DIAPH3: variants seen among roughly 807,000 people sequenced by gnomAD.
DIAPH3 encodes diaphanous related formin 3, also known as protein diaphanous homolog 3.
Under a neutral mutation model 144.3 loss-of-function variants are expected in DIAPH3, and 117 were observed. The observed-to-expected ratio is 0.81, with a 90% CI of 0.70 to 0.95. The LOEUF (loss-of-function observed/expected upper bound fraction) is 0.95. Ranked by LOEUF, DIAPH3 falls within the 40% of genes least tolerant of loss-of-function variation. The pLI is 0.00. For synonymous variants in DIAPH3, 519 were observed against 488.9 expected (o/e 1.06, Z -0.81); for missense variants, 1,421 against 1,412.7 (o/e 1.01, Z -0.09).
At chr13:59,779,785 T>TA (rs1414021148) in intron 25 of DIAPH3, among the ~76,000 whole-genome samples, 1 of 152,170 alleles carries the variant, frequency 6.6e-6, no homozygotes, top group East Asian at 1.9e-4. Context: ...GTGCTGGGAT[T>TA]ACAGGCATGA....
chr13:59,877,374 C>T (rs1333886575), intron 21 of DIAPH3, among the ~76,000 whole-genome samples: 1 of 152,048 alleles, frequency 6.6e-6, no homozygotes, highest in Non-Finnish European at 1.5e-5. Flanking sequence ...AGGTCTCACA[C>T]TACATGTCAA....
intron 4 of DIAPH3, among the ~76,000 whole-genome samples, chr13:60,066,777 AAAAC>A (rs2056984260): frequency 6.6e-6 from 1 of 152,150 alleles, no homozygotes; most frequent in African/African-American, 2.4e-5. Context: ...TTAAAAATCT[AAAAC>A]AGATATTTAT....
intron 25 of DIAPH3, among the ~76,000 whole-genome samples, chr13:59,794,503 ATCT>A (rs996745331): frequency 4.0e-5 from 6 of 151,600 alleles, no homozygotes; most frequent in Admixed American, 3.3e-4. Context: ...GCAATTTCAA[ATCT>A]TCTTTAGTGA....
At position 60,163,899 on chromosome 13, in the gene DIAPH3, G is replaced by GA; in HGVS notation, c.-134_-133insT. 8.5e-7 allele frequency: 1 copy of GA among 1,180,270 alleles called. No individual in the cohort carries two copies. The highest frequency in any genetic ancestry group is 1.2e-6 in the Non-Finnish European group (1 of 863,096). 73.1% of individuals were successfully genotyped at this position (1,180,270 alleles called of 1,614,324 possible). On this transcript the variant is annotated 5_prime_UTR_variant, in exon 1 of 28. The change abolishes the stop of an existing upstream ORF in the 5' untranslated region. Transcript: ENST00000400324. ...ACAGTCAGCACAGCCTAGCCCAACC[G>GA]CTGAAGTCGGGGCCGCAGCCAACAC...
intron 24 of DIAPH3, among the ~76,000 whole-genome samples, chr13:59,811,729 T>C: frequency 8.0e-6 from 1 of 125,744 alleles, no homozygotes; most frequent in South Asian, 2.7e-4. Context: ...AGAGCAAGAC[T>C]CTGTCTCAAA....
At chr13:59,719,377 A>G (rs1419022533) in intron 27 of DIAPH3, among the ~76,000 whole-genome samples, 3 of 152,192 alleles carry the variant, frequency 2.0e-5, no homozygotes, top group Non-Finnish European at 4.4e-5. Flanking sequence ...TAGTTAACAA[A>G]TAAAACACTG....
chr13:60,057,631 T>C (rs371340614), intron 4 of DIAPH3, among the ~76,000 whole-genome samples: 1 of 151,814 alleles, frequency 6.6e-6, no homozygotes, highest in East Asian at 1.9e-4. Context: ...CATCACGTTA[T>C]CTGACTTCCA....
At chr13:60,088,958 G>A (rs923293726) in intron 4 of DIAPH3, among the ~76,000 whole-genome samples, 4 of 152,086 alleles carry the variant, frequency 2.6e-5, no homozygotes, top group Non-Finnish European at 5.9e-5. Context: ...GTAATTGATA[G>A]AGAAAAAATA....
chr13:59,917,803 T>C (rs557387086), intron 18 of DIAPH3, among the ~76,000 whole-genome samples: 2 of 146,876 alleles, frequency 1.4e-5, no homozygotes, highest in East Asian at 4.0e-4. Context: ...AGCAGAAGTA[T>C]TGCTTGAAAC....
At chr13:59,987,332 G>T (rs1442854942) in intron 12 of DIAPH3, among the ~76,000 whole-genome samples, 2 of 151,592 alleles carry the variant, frequency 1.3e-5, no homozygotes, top group Non-Finnish European at 2.9e-5. Context: ...TGGTGGGGTG[G>T]GGGGAGTGGG....
At chr13:59,747,786 C>A (rs747746595) in intron 27 of DIAPH3, among the ~76,000 whole-genome samples, 43 of 152,322 alleles carry the variant, frequency 2.8e-4, no homozygotes, top group Middle Eastern at 6.8e-3. Context: ...GACTGTCCTG[C>A]TGTCCACACA....
chr13:60,155,272 A>G (rs1951970237), intron 1 of DIAPH3, among the ~76,000 whole-genome samples: 1 of 152,190 alleles, frequency 6.6e-6, no homozygotes, highest in African/African-American at 2.4e-5. Context: ...GAAAAAAGCA[A>G]TTAAGCCCTG....
intron 4 of DIAPH3, 91 bp from the exon 5 acceptor site, chr13:60,042,911 T>C (rs1180651759): frequency 9.9e-6 from 14 of 1,420,408 alleles, no homozygotes; most frequent in Non-Finnish European, 1.4e-5. Flanking sequence ...CAGCAGCACA[T>C]AACTACTATA....
chr13:59,774,040 C>A, intron 27 of DIAPH3, 149 bp downstream of exon 27: 1 of 750,324 alleles, frequency 1.3e-6, no homozygotes, highest in South Asian at 1.9e-5. Context: ...TACGAGTACG[C>A]AATCTCATAG....
At position 60,044,430 on chromosome 13, in the gene DIAPH3, G is replaced by A. The variant is rs115756819; in HGVS notation, c.496-1610C>T. Reference sequence around the variant, plus strand: ...AGAAGAATTCAATGGTACAATCTCCGAAAATAAAAGGGGAAATGGTGAAAG... The same window carrying A: ...AGAAGAATTCAATGGTACAATCTCCAAAAATAAAAGGGGAAATGGTGAAAG... On this transcript the variant is annotated intron_variant, in intron 4 of 27. Coordinates refer to ENST00000400324, the MANE Select transcript of DIAPH3 (RefSeq NM_001042517.2). 425 of 152,174 alleles carry A rather than the reference G, an allele frequency of 2.8e-3. 3 individuals are homozygous for A. The highest frequency in any genetic ancestry group is 9.3e-3 in the African/African-American group (387 of 41,520). 9.4% of individuals were successfully genotyped at this position (152,174 alleles called of 1,614,324 possible).
intron 17 of DIAPH3, among the ~76,000 whole-genome samples, chr13:59,936,543 G>GA (rs1370510548): frequency 5.3e-5 from 8 of 152,156 alleles, no homozygotes; most frequent in Non-Finnish European, 1.0e-4. Flanking sequence ...ATCCTGAAAA[G>GA]TTAAGCCTAT....
chr13:59,798,141 C>A (rs970991734), intron 25 of DIAPH3, among the ~76,000 whole-genome samples: 1 of 152,130 alleles, frequency 6.6e-6, no homozygotes, highest in African/African-American at 2.4e-5. Flanking sequence ...CCTTTCAAAT[C>A]CATCCTGTCT....
chr13:59,976,730 C>T (rs1396027209), intron 14 of DIAPH3, among the ~76,000 whole-genome samples: 1 of 151,696 alleles, frequency 6.6e-6, no homozygotes, highest in East Asian at 1.9e-4. Context: ...TCATCTTCCA[C>T]AGCCATGTTT....
At chr13:59,698,745 T>TA (rs2033947267) in intron 27 of DIAPH3, among the ~76,000 whole-genome samples, 1 of 152,198 alleles carries the variant, frequency 6.6e-6, no homozygotes, top group Admixed American at 6.5e-5. Flanking sequence ...TGAAGTAATC[T>TA]ATTTCCTATG....
Sources: allele counts gnomAD v4.1 joint callset (sites outside exome capture counted in the v4.1 genomes callset), GRCh38; gene constraint gnomAD v4.1.1; transcripts MANE v1.5; gene names NCBI Gene and HGNC (gene_info 2026-07-23, HGNC 2026-07-21).